AGMO: variants seen among roughly 807,000 people sequenced by gnomAD.
The protein encoded by AGMO is glyceryl-ether monooxygenase.
A neutral mutation model predicts 60.2 loss-of-function variants in AGMO; 75 were observed. That is an observed-to-expected ratio of 1.25 (90% CI 1.03 to 1.51). AGMO has a LOEUF of 1.51. AGMO is among the 40% of genes most tolerant of loss of function. AGMO has a pLI of 0.00. For missense variants in AGMO, 763 were observed against 525.5 expected (o/e 1.45, Z -4.42); for synonymous variants, 261 against 177.1 (o/e 1.47, Z -3.76).
intron 3 of AGMO, among the ~76,000 whole-genome samples, chr7:15,467,316 G>A (rs1178543810): frequency 6.6e-6 from 1 of 152,090 alleles, no homozygotes; most frequent in African/African-American, 2.4e-5. Context: ...AAGAGCAAGG[G>A]GTTTCTAGTG....
intron 2 of AGMO, among the ~76,000 whole-genome samples, chr7:15,547,457 C>A (rs1394931430): frequency 6.6e-6 from 1 of 151,920 alleles, no homozygotes; most frequent in Non-Finnish European, 1.5e-5. Flanking sequence ...TCAGTGGGTG[C>A]GCGCACCGTG....
chr7:15,217,880 G>A (rs920565582), intron 12 of AGMO, among the ~76,000 whole-genome samples: 1 of 151,940 alleles, frequency 6.6e-6, no homozygotes, highest in Non-Finnish European at 1.5e-5. Flanking sequence ...TAATTTATGA[G>A]AAATATTATT....
chr7:15,354,286 T>G (rs943889076), intron 12 of AGMO, among the ~76,000 whole-genome samples: 1 of 109,838 alleles, frequency 9.1e-6, no homozygotes. Flanking sequence ...ATATCACGAA[T>G]GAGATAAATA....
intron 12 of AGMO, among the ~76,000 whole-genome samples, chr7:15,273,021 A>ATAT (rs1783664055): frequency 1.3e-5 from 2 of 151,910 alleles, no homozygotes; most frequent in African/African-American, 4.8e-5. Context: ...TAGATTCTGG[A>ATAT]TATTAGCCCT....
chr7:15,202,083 G>T (rs1022944975), intron 12 of AGMO, among the ~76,000 whole-genome samples: 1 of 152,002 alleles, frequency 6.6e-6, no homozygotes, highest in Non-Finnish European at 1.5e-5. Context: ...CATTTTAGGT[G>T]GTTGGGTAAC....
the AGMO span, among the ~76,000 whole-genome samples, chr7:15,190,397 C>G: frequency 2.7e-4 from 41 of 151,720 alleles, no homozygotes; most frequent in African/African-American, 8.2e-4. Context: ...CCTTTATAAG[C>G]ACACAGAGAG....
chr7:15,531,716 T>A (rs1027617725), intron 3 of AGMO, among the ~76,000 whole-genome samples: 1 of 146,256 alleles, frequency 6.8e-6, no homozygotes, highest in South Asian at 2.1e-4. Context: ...AGTAGTACAA[T>A]CTAGGCTCAT....
At chr7:15,340,847 G>T (rs1781822254) in intron 12 of AGMO, among the ~76,000 whole-genome samples, 1 of 152,182 alleles carries the variant, frequency 6.6e-6, no homozygotes, top group South Asian at 2.1e-4. Context: ...TCCCCACTGG[G>T]CACTGCCTAG....
chr7:15,459,599 T>TTGTGTG (rs754526222), intron 3 of AGMO, among the ~76,000 whole-genome samples: 52 of 142,230 alleles, frequency 3.7e-4, no homozygotes, highest in African/African-American at 1.1e-3. Flanking sequence ...GTATGTGCGT[T>TTGTGTG]TGTGTGTGTG....
chr7:15,483,638 T>A (rs1159562668), intron 3 of AGMO, among the ~76,000 whole-genome samples: 1 of 152,074 alleles, frequency 6.6e-6, no homozygotes, highest in Non-Finnish European at 1.5e-5. Context: ...CTAGCTCACA[T>A]GGAAAAGCCT....
the AGMO span, among the ~76,000 whole-genome samples, chr7:15,132,871 G>T: frequency 1.3e-5 from 2 of 152,142 alleles, no homozygotes; most frequent in Non-Finnish European, 2.9e-5. Context: ...TGTTAAGAAT[G>T]ATCTGATTCA....
intron 12 of AGMO, among the ~76,000 whole-genome samples, chr7:15,227,471 G>C (rs1782121213): frequency 6.7e-6 from 1 of 149,378 alleles, no homozygotes; most frequent in Non-Finnish European, 1.5e-5. Flanking sequence ...TGAAAACGGT[G>C]ACAAATATAA....
intron 5 of AGMO, among the ~76,000 whole-genome samples, chr7:15,395,424 G>C (rs573884492): frequency 1.3e-5 from 2 of 152,042 alleles, no homozygotes; most frequent in Admixed American, 6.5e-5. Flanking sequence ...TAACATAAAA[G>C]ACATTTTATA....
intron 8 of AGMO, among the ~76,000 whole-genome samples, chr7:15,388,559 G>C (rs1007364386): frequency 2.6e-5 from 4 of 152,116 alleles, no homozygotes; most frequent in Non-Finnish European, 4.4e-5. Context: ...GAAATATATG[G>C]TAATGTTTTA....
At chr7:15,233,561 T>TTC (rs1782323019) in intron 12 of AGMO, among the ~76,000 whole-genome samples, 1 of 150,674 alleles carries the variant, frequency 6.6e-6, no homozygotes, top group African/African-American at 2.5e-5. Flanking sequence ...TTTTTTTTTT[T>TTC]CCCCCCTTTG....
At chr7:15,295,081 AAAAG>A (rs1350020763) in intron 12 of AGMO, among the ~76,000 whole-genome samples, 5 of 151,920 alleles carry the variant, frequency 3.3e-5, no homozygotes, top group Non-Finnish European at 7.4e-5. Flanking sequence ...TTATAATTGC[AAAAG>A]AAAGGAGGAA....
intron 10 of AGMO, among the ~76,000 whole-genome samples, chr7:15,383,085 C>A (rs1257774848): frequency 6.6e-6 from 1 of 151,700 alleles, no homozygotes; most frequent in African/African-American, 2.4e-5. Context: ...AGGCTGGGTA[C>A]ATAATCTAGG....
chr7:15,212,804 G>GC (rs1172788320), intron 12 of AGMO, among the ~76,000 whole-genome samples: 2 of 151,840 alleles, frequency 1.3e-5, no homozygotes, highest in African/African-American at 4.8e-5. Flanking sequence ...ATCCTGCTAT[G>GC]CCTCAGTATC....
intron 12 of AGMO, among the ~76,000 whole-genome samples, chr7:15,308,407 C>T (rs749342558): frequency 3.3e-5 from 5 of 152,014 alleles, no homozygotes; most frequent in African/African-American, 9.7e-5. Flanking sequence ...CTTTTCTGAC[C>T]TGCCAATGTC....
Sources: gnomAD v4.1 joint callset for allele counts (sites outside exome capture counted in the v4.1 genomes callset) on GRCh38, gnomAD v4.1.1 for gene constraint, MANE v1.5 for transcripts, NCBI Gene and HGNC (gene_info 2026-07-23, HGNC 2026-07-21) for gene names.